RXRB: variants seen among roughly 807,000 people sequenced by gnomAD.
RXRB encodes retinoic acid receptor RXR-beta.
In RXRB, 18 loss-of-function variants were observed where a neutral mutation model predicts 52.5. That is an observed-to-expected ratio of 0.34 (90% CI 0.24 to 0.51). The LOEUF (loss-of-function observed/expected upper bound fraction) is 0.51, where lower values mean the gene tolerates loss of function less well. RXRB is among the 20% of genes least tolerant of loss of function. The pLI, the probability that RXRB is intolerant of heterozygous loss-of-function variation, is 0.97. For missense variants in RXRB, 455 were observed against 698.2 expected, an observed-to-expected ratio of 0.65 and a Z score of 3.92; for synonymous variants, 233 against 267.1, an observed-to-expected ratio of 0.87 and a Z score of 1.25.
rs1774233981 is a variant in RXRB at position 33,199,388 on chromosome 6, T to C, written c.264A>G (p.Pro88=). ...GAGGGACTCCCTGGGGAAGGGGATT[T>C]GGGGAGGAGCTGTCTGGGCTTCGGG... is the stretch of plus-strand genomic sequence containing the variant. ...RDSRSPDSSS[P]NPLPQGVPPP... is the part of the protein sequence containing the mutation. The change falls in exon 2 of 10, where the codon CCA becomes CCG. Residue 88 remains proline (P), a synonymous_variant. Coordinates refer to ENST00000374680, the MANE Select transcript of RXRB (RefSeq NM_021976.5). The C allele has an allele frequency of 8.0e-7, 1 of 1,246,986 alleles. No homozygotes were observed. The highest frequency in any genetic ancestry group is 1.6e-5 in the African/African-American group (1 of 63,556). 77.2% of individuals were successfully genotyped at this position (1,246,986 alleles called of 1,614,324 possible). A position where few individuals can be genotyped will look rare whatever the true frequency, so the allele number is the denominator to read the frequency against.
rs759866391 is a variant in RXRB, at chr6:33,194,800, G to A, written c.1484C>T (p.Ala495Val). ...RFAKLLLRLP[A>V]LRSIGLKCLE... is the part of the protein sequence containing the mutation. ...ACACTTAAGGCCAATGGACCGGAGGGCAGGAAGACGTAGCAGCAGCTTGGC... is the reference window on the plus strand; with the variant it reads ...ACACTTAAGGCCAATGGACCGGAGGACAGGAAGACGTAGCAGCAGCTTGGC... Residue 495 changes from alanine (A) to valine (V), a missense_variant, in exon 10 of 10, where the codon GCC becomes GTC. Physicochemically the swap from Ala to Val is moderately conservative, Grantham distance 64. Transcript: ENST00000374680. This position sits in a 1 kb window ranked among gnomAD's most constrained non-coding sequence, Gnocchi z 4.1. 1 of 1,613,066 alleles carries A rather than the reference G, an allele frequency of 6.2e-7. No homozygotes were observed. Among genetic ancestry groups the A allele is most frequent in the Non-Finnish European group, 8.5e-7 (1 of 1,180,024 alleles).
chr6:33,194,472 A>C lies in RXRB; in HGVS notation c.*210T>G. 3.8e-6 allele frequency: 2 copies of C among 530,034 alleles called. No homozygotes were observed. Among genetic ancestry groups the C allele is most frequent in the East Asian group, 3.1e-5 (1 of 32,670 alleles). The allele number at this position is 530,034 out of a possible 1,614,324, so 32.8% of individuals were successfully genotyped here. On this transcript the variant is annotated 3_prime_UTR_variant, in exon 10 of 10. Transcript: ENST00000374680. This position sits in a 1 kb window ranked among gnomAD's most constrained non-coding sequence, Gnocchi z 4.1. ...ATTCAGAGACTCAAGGCCACCGAAG[A>C]GAGACAACCAGTCCTCACAGGTATC...
intron 1 of RXRB, 33 bp from the exon 2 acceptor site, chr6:33,199,449 C>A: frequency 7.9e-7 from 1 of 1,265,048 alleles, no homozygotes; most frequent in South Asian, 3.6e-5. Context: ...CACACAGACA[C>A]ACAAGAGACA....
chr6:33,194,739 G>A lies in RXRB; in HGVS notation c.1545C>T (p.Asp515=), dbSNP rs983323295. The change falls in exon 10 of 10, where the codon GAC becomes GAT. Residue 515 remains aspartate (D), a synonymous_variant. Coordinates refer to ENST00000374680, the MANE Select transcript of RXRB (RefSeq NM_021976.5). This position sits in a 1 kb window ranked among gnomAD's most constrained non-coding sequence, Gnocchi z 4.1. ...CCATGAGGAAGGTGTCGATGGGGGT[G>A]TCACCAATGAGCTTGAAGAAAAACA... ...EHLFFFKLIG[D]TPIDTFLMEM... 1.2e-6 allele frequency: 2 copies of A among 1,613,188 alleles called. No homozygotes were observed. The highest frequency in any genetic ancestry group is 3.3e-5 in the Admixed American group (2 of 60,030).
In RXRB at chr6:33,200,041, G is replaced by A. The variant is rs994042850; in HGVS notation, c.235+201C>T. 4.8e-6 allele frequency: 4 copies of A among 838,450 alleles called. No individual in the cohort carries two copies. In the African/African-American group the frequency reaches 6.6e-5, roughly 14 times the overall value. 51.9% of individuals were successfully genotyped at this position (838,450 alleles called of 1,614,324 possible). Reference sequence around the variant, plus strand: ...ACCTCCGGTGCCCAAGGCCTCAAGCGGTCACAGCTAGGAGGGCGGAAGCTC... The same window carrying A: ...ACCTCCGGTGCCCAAGGCCTCAAGCAGTCACAGCTAGGAGGGCGGAAGCTC... On this transcript the variant is annotated intron_variant, in intron 1 of 9. Transcript: ENST00000374680. The surrounding 1 kb of genome is among the most constrained non-coding windows in gnomAD (Gnocchi z 6.3).
intron 1 of RXRB, 42 bp from the exon 2 acceptor site, chr6:33,199,458 C>G (rs959723786): frequency 3.9e-6 from 5 of 1,266,048 alleles, no homozygotes; most frequent in Non-Finnish European, 5.0e-6. Flanking sequence ...ACACAAGAGA[C>G]AGAAGAGACA....
chr6:33,199,795 T>C (rs1267512743), intron 1 of RXRB: 6 of 457,114 alleles, frequency 1.3e-5, no homozygotes, highest in South Asian at 7.0e-5. Context: ...ACCAATCCAT[T>C]TGAATGAATA....
rs1774007075 is a variant in RXRB at position 33,197,561 on chromosome 6, CCA to C, written c.820+199_820+200del. On this transcript the variant is annotated intron_variant, in intron 4 of 9. Coordinates refer to ENST00000374680, the MANE Select transcript of RXRB (RefSeq NM_021976.5). This position sits in a 1 kb window ranked among gnomAD's most constrained non-coding sequence, Gnocchi z 4.4. ...TCTAGGGAGGGGTCATATGTGCAGG[CCA>C]CAGAGGCCTAACCATTAAGAAGGAA... Among the ~76,000 whole-genome samples, 1 of 152,170 alleles carries C rather than the reference CCA, an allele frequency of 6.6e-6. No homozygotes were observed. Among genetic ancestry groups the C allele is most frequent in the African/African-American group, 2.4e-5 (1 of 41,434 alleles).
Position 33,194,004 on chromosome 6 carries a change from G to C in RXRB, c.*678C>G, listed in dbSNP as rs910377049. 1.3e-5 allele frequency: 2 copies of C among 152,312 alleles called. No individual in the cohort carries two copies. The highest frequency in any genetic ancestry group is 4.8e-5 in the African/African-American group (2 of 41,450). The allele number at this position is 152,312 out of a possible 1,614,324, so 9.4% of individuals were successfully genotyped here. On this transcript the variant is annotated 3_prime_UTR_variant, in exon 10 of 10. Transcript: ENST00000374680. This position sits in a 1 kb window ranked among gnomAD's most constrained non-coding sequence, Gnocchi z 4.1. Reference sequence around the variant, plus strand: ...CACTGGCATTTCTTAGTCAACCTGGGAAAGTACAGTACTTCTTTGAGTCTA... The same window carrying C: ...CACTGGCATTTCTTAGTCAACCTGGCAAAGTACAGTACTTCTTTGAGTCTA...
intron 3 of RXRB, 137 bp downstream of exon 3, chr6:33,198,171 C>T: frequency 7.6e-7 from 1 of 1,310,186 alleles, no homozygotes; most frequent in South Asian, 1.2e-5. Flanking sequence ...TCCTACATCT[C>T]AGCTTCAGCT....
intron 1 of RXRB, chr6:33,199,767 G>A (rs1774292349): frequency 4.5e-6 from 2 of 443,726 alleles, no homozygotes; most frequent in Non-Finnish European, 8.7e-6. Flanking sequence ...GGATAGTTCA[G>A]GTGAGGAAAA....
rs1317566213 is a variant in RXRB at position 33,197,886 on chromosome 6, G to A, written c.696C>T (p.Thr232=). 9 of 1,613,598 alleles carry A rather than the reference G, an allele frequency of 5.6e-6. No individual in the cohort carries two copies. Among genetic ancestry groups the A allele is most frequent in the Non-Finnish European group, 7.6e-6 (9 of 1,180,028 alleles). The part of the protein sequence containing the change: ...CEGCKGFFKR[T]IRKDLTYSCR... ...AAGAGTATGTAAGGTCTTTGCGGAT[G>A]GTGCGTTTGAAGAAGCCCTTGCAAC... The change falls in exon 4 of 10, where the codon ACC becomes ACT. Residue 232 remains threonine (T), a synonymous_variant. Transcript: ENST00000374680. This position sits in a 1 kb window ranked among gnomAD's most constrained non-coding sequence, Gnocchi z 4.4.
Position 33,199,263 on chromosome 6 carries a change from C to T in RXRB, c.389G>A (p.Gly130Asp). 2 of 1,003,974 alleles carry T rather than the reference C, an allele frequency of 2.0e-6. No individual in the cohort carries two copies. Among genetic ancestry groups the T allele is most frequent in the East Asian group, 3.4e-5 (1 of 29,184 alleles). The allele number at this position is 1,003,974 out of a possible 1,614,324, so 62.2% of individuals were successfully genotyped here. ...PPPPMPPPPL[G>D]SPFPVISSSM... ...AGAACTGATGACTGGAAAGGGAGAG[C>T]CCAGTGGGGGTGGTGGCATCGGGGG... The change falls in exon 2 of 10, where the codon GGC becomes GAC. Residue 130 changes from glycine to aspartate, a missense_variant. By Grantham distance (94) the Gly-to-Asp change is moderately conservative. Coordinates refer to ENST00000374680, the MANE Select transcript of RXRB (RefSeq NM_021976.5).
In RXRB at chr6:33,200,274, G is replaced by T; in HGVS notation, c.203C>A (p.Ala68Asp). The T allele has an allele frequency of 1.2e-6, 2 of 1,607,060 alleles. No individual in the cohort carries two copies. Among genetic ancestry groups the T allele is most frequent in the Non-Finnish European group, 8.5e-7 (1 of 1,178,866 alleles). ...QQTPEPEPGEAGRDGMGDSGR... is the reference protein window; with the variant it reads ...QQTPEPEPGEDGRDGMGDSGR... The stretch of plus-strand genomic sequence containing the variant: ...GCTGTCGCCCATCCCGTCCCGTCCA[G>T]CCTCCCCTGGCTCCGGCTCCGGGGT... Residue 68 changes from alanine (A) to aspartate (D), a missense_variant, in exon 1 of 10, where the codon GCT (alanine) becomes GAT (aspartate). Around this residue, in one of 4 missense-constraint regions of RXRB, gnomAD observed 225 missense variants for 258.6 expected, o/e 0.87. Coordinates refer to ENST00000374680, the MANE Select transcript of RXRB (RefSeq NM_021976.5). This position sits in a 1 kb window ranked among gnomAD's most constrained non-coding sequence, Gnocchi z 6.3.
rs1273723837 is a variant in RXRB, at chr6:33,193,783, T to C, written c.*899A>G. 1.3e-5 allele frequency: 2 copies of C among 152,004 alleles called. No homozygotes were observed. The allele number at this position is 152,004 out of a possible 1,614,324, so 9.4% of individuals were successfully genotyped here. On this transcript the variant is annotated 3_prime_UTR_variant, in exon 10 of 10. Coordinates refer to ENST00000374680, the MANE Select transcript of RXRB (RefSeq NM_021976.5). ...TATGTGCCCAGGGCTGGAGGAGAGC[T>C]GTAAAGGGAAGGCCTCCGGGACTAC... is the stretch of plus-strand genomic sequence containing the variant.
In RXRB at chr6:33,197,725, A is replaced by G; in HGVS notation, c.820+37T>C. 6.2e-7 allele frequency: 1 copy of G among 1,603,298 alleles called. No individual in the cohort carries two copies. Among genetic ancestry groups the G allele is most frequent in the South Asian group, 1.1e-5 (1 of 90,592 alleles). ...TCTGAGTGGGATAAGGGAGAAGGGC[A>G]TGTGGTCTAAGACGCCTGGGCAGGG... On this transcript the variant is annotated intron_variant, in intron 4 of 9. Coordinates refer to ENST00000374680, the MANE Select transcript of RXRB (RefSeq NM_021976.5). This position sits in a 1 kb window ranked among gnomAD's most constrained non-coding sequence, Gnocchi z 4.4.
chr6:33,199,673 A>G (rs2150673700), intron 1 of RXRB: 2 of 481,388 alleles, frequency 4.2e-6, no homozygotes, highest in Non-Finnish European at 7.6e-6. Context: ...ACAACCTCCC[A>G]CTGCTATATT....
chr6:33,198,913 C>CA (rs9280361), intron 2 of RXRB, among the ~76,000 whole-genome samples: 3,674 of 73,900 alleles, frequency 0.05, 119 homozygotes, highest in African/African-American at 0.061. Flanking sequence ...GACTCCATCT[C>CA]AAAAAAAAAA....
At position 33,200,513 on chromosome 6, in the gene RXRB, C is replaced by T. The variant is rs868158953; in HGVS notation, c.-37G>A. The T allele has an allele frequency of 1.7e-5, 27 of 1,553,972 alleles. 1 individual carries two copies. The Middle Eastern group carries it at 3.4e-3, about 193-fold the overall frequency. ...GAGAGTAGGGATACCGAAGAGGTCC[C>T]AGGGATTCCCAAGGATTGATCGGAG... On this transcript the variant is annotated 5_prime_UTR_variant, in exon 1 of 10. Coordinates refer to ENST00000374680, the MANE Select transcript of RXRB (RefSeq NM_021976.5). The surrounding 1 kb of genome is among the most constrained non-coding windows in gnomAD (Gnocchi z 6.3).
Sources: allele counts gnomAD v4.1 joint callset (sites outside exome capture counted in the v4.1 genomes callset), GRCh38; gene constraint gnomAD v4.1.1; regional missense constraint gnomAD v4.1.1; non-coding constraint Gnocchi (gnomAD v3.1); transcripts MANE v1.5; gene names NCBI Gene and HGNC (gene_info 2026-07-23, HGNC 2026-07-21).